The following RBM39 variants were observed in gnomAD, a reference collection of about 807,000 sequenced individuals.
RBM39 encodes RNA binding motif protein 39.
Under a neutral mutation model 79.6 loss-of-function variants are expected in RBM39, and 12 were observed. The observed-to-expected ratio is 0.15, with a 90% CI of 0.10 to 0.24. RBM39 has a LOEUF of 0.24. RBM39 is among the 10% of genes least tolerant of loss of function. The pLI, the probability that RBM39 is intolerant of heterozygous loss-of-function variation, is 1.00. For missense variants in RBM39, 243 were observed against 653.4 expected, an observed-to-expected ratio of 0.37 and a Z score of 6.85; for synonymous variants, 185 against 208.4, an observed-to-expected ratio of 0.89 and a Z score of 0.97.
At chr20:35,740,926 C>A (rs2425122) in intron 1 of RBM39, 39 bp from the exon 2 acceptor site, 1 of 1,460,026 alleles carries the variant, frequency 6.8e-7, no homozygotes, top group Non-Finnish European at 9.5e-7. Flanking sequence ...GTAAACATTT[C>A]TCTTACAATG....
chr20:35,707,361 G>T (rs1600380098), intron 13 of RBM39, 160 bp from the exon 14 acceptor site: 2 of 424,372 alleles, frequency 4.7e-6, no homozygotes, highest in Non-Finnish European at 8.4e-6. Context: ...TATGTTATCA[G>T]TAGCTTTTAG....
intron 1 of RBM39, 129 bp downstream of exon 1, chr20:35,741,812 A>C (rs1159910257): frequency 6.4e-6 from 1 of 156,450 alleles, no homozygotes; most frequent in Non-Finnish European, 1.4e-5. Flanking sequence ...GGTCACTGAA[A>C]CAGGGCCGAT....
chr20:35,725,665 T>C (rs1408377768), intron 6 of RBM39, among the ~76,000 whole-genome samples: 1 of 140,672 alleles, frequency 7.1e-6, no homozygotes, highest in Non-Finnish European at 1.5e-5. Context: ...TTCTTTTTTT[T>C]TTTTTTTTTT....
intron 14 of RBM39, among the ~76,000 whole-genome samples, chr20:35,706,485 A>G (rs2035743873): frequency 6.6e-6 from 1 of 152,192 alleles, no homozygotes. Context: ...AATTGTCATT[A>G]TATGAAATGT....
intron 4 of RBM39, among the ~76,000 whole-genome samples, chr20:35,730,564 C>T (rs537784708): frequency 6.6e-6 from 1 of 152,174 alleles, no homozygotes; most frequent in Non-Finnish European, 1.5e-5. Flanking sequence ...TATTTTCTTT[C>T]CCCTTTAATT....
intron 10 of RBM39, among the ~76,000 whole-genome samples, chr20:35,716,281 C>T (rs2037121232): frequency 6.6e-6 from 1 of 152,118 alleles, no homozygotes; most frequent in Non-Finnish European, 1.5e-5. Flanking sequence ...GCCATGTTGG[C>T]CAGGCTGGTC....
intron 11 of RBM39, chr20:35,713,666 C>CAAAAAAAAAAAAAAAAAAAAAAAAAA (rs56909848): frequency 1.4e-4 from 5 of 34,720 alleles, no homozygotes; most frequent in African/African-American, 3.2e-4. Flanking sequence ...CCAACCAACA[C>CAAAAAAAAAAAAAAAAAAAAAAAAAA]AAAAAAAAAA....
chr20:35,729,897 C>T (rs537346217), intron 4 of RBM39, among the ~76,000 whole-genome samples: 92 of 151,962 alleles, frequency 6.1e-4, no homozygotes, highest in Admixed American at 5.2e-3. Context: ...CTCTGAACTT[C>T]CCTCACACCA....
intron 2 of RBM39, 27 bp downstream of exon 2, chr20:35,740,797 A>G (rs1216678344): frequency 1.3e-6 from 2 of 1,593,864 alleles, no homozygotes; most frequent in Non-Finnish European, 1.7e-6. Flanking sequence ...AGAAATATAT[A>G]AACCTCACCG....
chr20:35,710,493 A>C (rs1231594162), intron 12 of RBM39: 1 of 152,202 alleles, frequency 6.6e-6, no homozygotes, highest in Non-Finnish European at 1.5e-5. Context: ...ATAATTTCAA[A>C]AATGATTTGT....
intron 3 of RBM39, among the ~76,000 whole-genome samples, chr20:35,737,389 CAAAAAAA>C (rs58047560): frequency 1.3e-4 from 8 of 62,256 alleles, no homozygotes; most frequent in African/African-American, 3.4e-4. Context: ...AACTCCATCT[CAAAAAAA>C]AAAAAAAAAA....
Position 35,732,063 on chromosome 20 carries a change from A to G in RBM39, c.174T>C (p.Ser58=). The G allele has an allele frequency of 6.2e-7, 1 of 1,613,412 alleles. No homozygotes were observed. The highest frequency in any genetic ancestry group is 8.5e-7 in the Non-Finnish European group (1 of 1,179,892). ...KRSKSKERKR[S]RDRERKKSKS... is the part of the protein sequence containing the mutation. Reference sequence around the variant, plus strand: ...TGCTCTTTTTCCTTTCTCTGTCTCTACTTCGCTTCCGTTCCTTACTTTTGC... The same window carrying G: ...TGCTCTTTTTCCTTTCTCTGTCTCTGCTTCGCTTCCGTTCCTTACTTTTGC... The change falls in exon 4 of 17, where the codon AGT becomes AGC. Residue 58 remains serine (S), a synonymous_variant. Transcript: ENST00000253363.
intron 8 of RBM39, among the ~76,000 whole-genome samples, chr20:35,723,708 G>C (rs1219736540): frequency 6.6e-6 from 1 of 152,152 alleles, no homozygotes; most frequent in East Asian, 1.9e-4. Flanking sequence ...AAAGTGCTGG[G>C]ATTACAGGCA....
rs554466203 is a variant in RBM39, at chr20:35,709,067, C to T, written c.1225+157G>A. ...AATTTGGGTTAGGTCTTCTGAAATACAGACAGATTACTATGAATATACCAC... is the reference window on the plus strand; with the variant it reads ...AATTTGGGTTAGGTCTTCTGAAATATAGACAGATTACTATGAATATACCAC... On this transcript the variant is annotated intron_variant, in intron 13 of 16. Transcript: ENST00000253363. The T allele has an allele frequency of 3.7e-5, 19 of 513,208 alleles. No homozygotes were observed. The South Asian group carries it at 6.0e-4, about 16-fold the overall frequency. 31.8% of individuals were successfully genotyped at this position (513,208 alleles called of 1,614,324 possible). A position where few individuals can be genotyped will look rare whatever the true frequency, so the allele number is the denominator to read the frequency against.
chr20:35,731,830 A>T, intron 4 of RBM39, 111 bp downstream of exon 4: 1 of 997,666 alleles, frequency 1.0e-6, no homozygotes, highest in Non-Finnish European at 1.5e-6. Context: ...AATACTTTTT[A>T]ACCAATCATT....
intron 13 of RBM39, 29 bp from the exon 14 acceptor site, chr20:35,707,230 C>T: frequency 6.5e-7 from 1 of 1,528,472 alleles, no homozygotes; most frequent in Non-Finnish European, 9.0e-7. Flanking sequence ...AAATTAGTTT[C>T]ATGGAAAATG....
rs1264987035 is a variant in RBM39 at position 35,724,733 on chromosome 20, A to G, written c.535-11T>C. The G allele has an allele frequency of 1.2e-6, 2 of 1,612,868 alleles. No individual in the cohort carries two copies. Among genetic ancestry groups the G allele is most frequent in the Non-Finnish European group, 1.7e-6 (2 of 1,179,006 alleles). Reference sequence around the variant, plus strand: ...CCTCACATCTCGAACCTAGAAAGAAAACACAGTTGTTTGTGCAAACATCCA... The same window carrying G: ...CCTCACATCTCGAACCTAGAAAGAAGACACAGTTGTTTGTGCAAACATCCA... On this transcript the variant is annotated splice_polypyrimidine_tract_variant and intron_variant, in intron 7 of 16. Coordinates refer to ENST00000253363, the MANE Select transcript of RBM39 (RefSeq NM_184234.3).
At chr20:35,719,647 A>T (rs1324840292) in intron 9 of RBM39, among the ~76,000 whole-genome samples, 1 of 152,100 alleles carries the variant, frequency 6.6e-6, no homozygotes, top group Non-Finnish European at 1.5e-5. Context: ...ACTGCACTCC[A>T]GCCTAGGCGC....
chr20:35,730,683 T>C (rs1268825676), intron 4 of RBM39, among the ~76,000 whole-genome samples: 1 of 152,012 alleles, frequency 6.6e-6, no homozygotes, highest in Admixed American at 6.6e-5. Context: ...CTCAAAGGAA[T>C]TAAGCTAATT....
Sources: allele counts gnomAD v4.1 joint callset (sites outside exome capture counted in the v4.1 genomes callset), GRCh38; gene constraint gnomAD v4.1.1; transcripts MANE v1.5; gene names NCBI Gene and HGNC (gene_info 2026-07-23, HGNC 2026-07-21).